Variants in WHRN observed in about 807,000 individuals in gnomAD.
WHRN encodes the protein CASK-interacting protein CIP98.
A neutral mutation model predicts 68.3 loss-of-function variants in WHRN; 41 were observed. The ratio of observed to expected loss-of-function variants is 0.60; its 90% CI spans 0.47 to 0.78. The LOEUF is 0.78. Among genes scored for constraint, WHRN ranks in the 30% least tolerant of loss-of-function variants. The pLI is 0.00. For missense variants in WHRN, 1,243 were observed against 1,244.7 expected (o/e 1.00, Z 0.02); for synonymous variants, 560 against 561.3 (o/e 1.00, Z 0.03).
intron 1 of WHRN, chr9:114,503,016 A>T: frequency 1.7e-6 from 1 of 574,278 alleles, no homozygotes; most frequent in Non-Finnish European, 2.2e-6. Context: ...TGAAAGCCTC[A>T]AGGGCTTCCT....
chr9:114,475,021 G>A (rs1189196866), intron 2 of WHRN, among the ~76,000 whole-genome samples: 1 of 152,180 alleles, frequency 6.6e-6, no homozygotes, highest in African/African-American at 2.4e-5. Context: ...CCAGGATGTG[G>A]AGGAAGAGGA....
intron 3 of WHRN, among the ~76,000 whole-genome samples, chr9:114,439,265 C>T (rs1838163389): frequency 1.3e-5 from 2 of 152,034 alleles, no homozygotes. Context: ...CTATTCAATG[C>T]CAGCAAAAAC....
At position 114,430,911 on chromosome 9, in the gene WHRN, G is replaced by A. The variant is rs370532474; in HGVS notation, c.964-4498C>T. 9.9e-5 allele frequency among the ~76,000 whole-genome samples: 15 copies of A among 152,250 alleles called. No homozygotes were observed. In the East Asian group the frequency reaches 1.2e-3, roughly 12 times the overall value. On this transcript the variant is annotated intron_variant, in intron 3 of 11. Transcript: ENST00000362057. ...CTTCAGGGTCTCCACAGGGCCCTCC[G>A]CAGCATGTGAGTTGGTTTTGAGTGG... is the stretch of plus-strand genomic sequence containing the variant.
chr9:114,460,605 A>T (rs1252843290), intron 3 of WHRN, among the ~76,000 whole-genome samples: 1 of 152,162 alleles, frequency 6.6e-6, no homozygotes, highest in Non-Finnish European at 1.5e-5. Context: ...GTTAGCCCCC[A>T]CTGGGGGAGT....
At chr9:114,449,339 C>T (rs1284266306) in intron 3 of WHRN, among the ~76,000 whole-genome samples, 1 of 152,192 alleles carries the variant, frequency 6.6e-6, no homozygotes, top group Non-Finnish European at 1.5e-5. Flanking sequence ...CAGCTAGTAG[C>T]CTCTCTCTGG....
chr9:114,501,697 A>G (rs1055079442), intron 1 of WHRN, among the ~76,000 whole-genome samples: 3 of 152,142 alleles, frequency 2.0e-5, no homozygotes, highest in South Asian at 2.1e-4. Flanking sequence ...ACTAAATGCA[A>G]TGTGGTATCC....
intron 1 of WHRN, among the ~76,000 whole-genome samples, chr9:114,502,095 T>C (rs1843982229): frequency 6.6e-6 from 1 of 152,208 alleles, no homozygotes; most frequent in East Asian, 1.9e-4. Context: ...CTGGGGTTAA[T>C]GTAACACAAA....
chr9:114,406,840 C>T lies in WHRN; in HGVS notation c.1751G>A (p.Arg584His), dbSNP rs372230625. Residue 584 changes from arginine (R) to histidine (H), a missense_variant, in exon 9 of 12, where the codon CGC becomes CAC. Coordinates refer to ENST00000362057, the MANE Select transcript of WHRN (RefSeq NM_015404.4). ...QGLSSFKPLPRPPPLAQGNDL... is the reference protein window; with the variant it reads ...QGLSSFKPLPHPPPLAQGNDL... ...GTTGCCTTGGGCCAGAGGTGGTGGG[C>T]GAGGCAGTGGCTTGAAGCTTGACAG... is the stretch of plus-strand genomic sequence containing the variant. 1.4e-5 allele frequency: 22 copies of T among 1,603,660 alleles called. No individual in the cohort carries two copies. Among genetic ancestry groups the T allele is most frequent in the South Asian group, 5.6e-5 (5 of 89,744 alleles).
chr9:114,436,910 A>C lies in WHRN; in HGVS notation c.964-10497T>G, dbSNP rs534008152. 1.3e-3 allele frequency among the ~76,000 whole-genome samples: 194 copies of C among 152,056 alleles called. 1 individual carries two copies. The highest frequency in any genetic ancestry group is 6.8e-3 in the Middle Eastern group (2 of 294). ...TATTTAAATATAATGAAAAATAAAAAACTTTTTGCTATTTAAAAATAAAAA... is the reference window on the plus strand; with the variant it reads ...TATTTAAATATAATGAAAAATAAAACACTTTTTGCTATTTAAAAATAAAAA... On this transcript the variant is annotated intron_variant, in intron 3 of 11. Coordinates refer to ENST00000362057, the MANE Select transcript of WHRN (RefSeq NM_015404.4).
chr9:114,418,592 A>C (rs780757943), intron 7 of WHRN, among the ~76,000 whole-genome samples: 15 of 152,220 alleles, frequency 9.9e-5, no homozygotes, highest in Non-Finnish European at 2.1e-4. Flanking sequence ...ACTCAGAGTC[A>C]AAGTCCTCAG....
At chr9:114,493,895 C>T (rs530097831) in intron 1 of WHRN, among the ~76,000 whole-genome samples, 1 of 152,370 alleles carries the variant, frequency 6.6e-6, no homozygotes, top group East Asian at 1.9e-4. Context: ...CGCACATTTA[C>T]TGAACTCCTG....
Position 114,489,359 on chromosome 9 carries a change from G to T in WHRN, c.619-10588C>A, listed in dbSNP as rs1406100835. 2.6e-5 allele frequency among the ~76,000 whole-genome samples: 4 copies of T among 152,220 alleles called. No individual in the cohort carries two copies. The East Asian group carries it at 7.7e-4, about 29-fold the overall frequency. ...GAAGTTACCAATGATTTCTCTAGTA[G>T]AATGGAAATAATCCATTAATTTCTC... On this transcript the variant is annotated intron_variant, in intron 1 of 11. Transcript: ENST00000362057.
chr9:114,455,142 C>A (rs1839670179), intron 3 of WHRN, among the ~76,000 whole-genome samples: 1 of 146,374 alleles, frequency 6.8e-6, no homozygotes. Flanking sequence ...TTGGGTTAGA[C>A]AAAATATGGC....
chr9:114,480,993 G>T (rs745601611), intron 1 of WHRN, among the ~76,000 whole-genome samples: 12 of 152,138 alleles, frequency 7.9e-5, no homozygotes, highest in Admixed American at 2.6e-4. Context: ...GTTCCACAAT[G>T]AGGTCACATT....
chr9:114,475,122 C>T (rs932130313), intron 2 of WHRN, among the ~76,000 whole-genome samples: 3 of 152,134 alleles, frequency 2.0e-5, no homozygotes, highest in Admixed American at 6.5e-5. Flanking sequence ...AATACAACCA[C>T]CATATGCTCC....
intron 3 of WHRN, among the ~76,000 whole-genome samples, chr9:114,442,013 G>C (rs965703235): frequency 6.6e-6 from 1 of 152,200 alleles, no homozygotes; most frequent in Non-Finnish European, 1.5e-5. Context: ...AAGCTAGCAT[G>C]ATCCTGCCAA....
chr9:114,406,001 G>A (rs1160828181), intron 9 of WHRN, among the ~76,000 whole-genome samples: 1 of 152,238 alleles, frequency 6.6e-6, no homozygotes, highest in East Asian at 1.9e-4. Context: ...CGGACAGGAA[G>A]GGAAGCCACC....
intron 2 of WHRN, among the ~76,000 whole-genome samples, chr9:114,477,112 A>G (rs2133110295): frequency 6.6e-6 from 1 of 152,276 alleles, no homozygotes; most frequent in African/African-American, 2.4e-5. Flanking sequence ...GCATACCAAC[A>G]AGCTACCTGC....
intron 3 of WHRN, among the ~76,000 whole-genome samples, chr9:114,459,485 C>T (rs1840074521): frequency 6.6e-6 from 1 of 152,054 alleles, no homozygotes; most frequent in African/African-American, 2.4e-5. Context: ...TTCCTACCTC[C>T]TAGAGCTGGG....
Sources: gnomAD v4.1 joint callset for allele counts (sites outside exome capture counted in the v4.1 genomes callset) on GRCh38, gnomAD v4.1.1 for gene constraint, MANE v1.5 for transcripts, NCBI Gene and HGNC (gene_info 2026-07-23, HGNC 2026-07-21) for gene names.